Variants in TDRP observed in about 807,000 individuals in gnomAD.
TDRP encodes the protein testis development-related protein.
Under a neutral mutation model 10.5 loss-of-function variants are expected in TDRP, and 12 were observed. That is an observed-to-expected ratio of 1.15 (90% CI 0.73 to 1.86). The LOEUF is 1.86. Among genes scored for constraint, TDRP ranks in the 40% most tolerant of loss-of-function variants. The probability of loss-of-function intolerance (pLI) is 0.00; values close to 1 mark genes in which losing one functional copy is unlikely to be tolerated. For missense variants in TDRP, 353 were observed against 229.2 expected (o/e 1.54, Z -3.49); for synonymous variants, 139 against 95.4 (o/e 1.46, Z -2.67).
intron 1 of TDRP, among the ~76,000 whole-genome samples, chr8:510,695 A>T (rs568655207): frequency 3.5e-4 from 54 of 152,360 alleles, no homozygotes; most frequent in African/African-American, 1.2e-3. Flanking sequence ...ATAAATCTGA[A>T]CTTCTTGTTA....
At chr8:501,339 G>C (rs556985711) in intron 1 of TDRP, among the ~76,000 whole-genome samples, 6 of 151,932 alleles carry the variant, frequency 3.9e-5, no homozygotes, top group African/African-American at 1.2e-4. Flanking sequence ...AAATTTCCTG[G>C]TATACTTCTT....
intron 1 of TDRP, among the ~76,000 whole-genome samples, chr8:544,160 C>T (rs1025215572): frequency 1.3e-5 from 2 of 152,168 alleles, no homozygotes; most frequent in Non-Finnish European, 2.9e-5. Context: ...GAGCTACGGT[C>T]GTCCAAAGCT....
At chr8:529,440 G>C (rs1297429085) in intron 1 of TDRP, among the ~76,000 whole-genome samples, 2 of 152,036 alleles carry the variant, frequency 1.3e-5, no homozygotes, top group South Asian at 2.1e-4. Flanking sequence ...TTCTGTTTTT[G>C]TCCACATATT....
intron 1 of TDRP, among the ~76,000 whole-genome samples, chr8:536,864 A>T (rs1285250395): frequency 6.6e-6 from 1 of 152,160 alleles, no homozygotes; most frequent in East Asian, 1.9e-4. Context: ...CCCTTCTATA[A>T]TATCGTAACT....
chr8:501,162 C>T (rs532711492), intron 1 of TDRP, among the ~76,000 whole-genome samples: 6 of 151,574 alleles, frequency 4.0e-5, no homozygotes, highest in East Asian at 2.0e-4. Flanking sequence ...GCTGAGATCG[C>T]GCCACTGCAC....
At chr8:498,412 G>GTA (rs1310509946) in intron 1 of TDRP, among the ~76,000 whole-genome samples, 1 of 152,174 alleles carries the variant, frequency 6.6e-6, no homozygotes, top group African/African-American at 2.4e-5. Flanking sequence ...GTTTCAGACT[G>GTA]TAGCCCCTTG....
At chr8:497,072 G>A (rs1485719761) in intron 1 of TDRP, among the ~76,000 whole-genome samples, 3 of 152,302 alleles carry the variant, frequency 2.0e-5, no homozygotes, top group South Asian at 4.1e-4. Flanking sequence ...CTAACACAGA[G>A]AATTGGTACG....
intron 1 of TDRP, among the ~76,000 whole-genome samples, chr8:518,118 G>A (rs987968228): frequency 6.6e-6 from 1 of 152,130 alleles, no homozygotes; most frequent in African/African-American, 2.4e-5. Context: ...TATGGACTTT[G>A]GCTAACAATG....
chr8:494,978 T>G (rs576919451), intron 1 of TDRP: 237 of 161,178 alleles, frequency 1.5e-3, no homozygotes, highest in African/African-American at 5.4e-3. Context: ...ATACCTGAAA[T>G]CCCAGCACTT....
chr8:494,470 T>G (rs1801073922), intron 2 of TDRP, 24 bp downstream of exon 2: 2 of 1,605,556 alleles, frequency 1.2e-6, no homozygotes, highest in East Asian at 4.5e-5. Context: ...GAAATGATCA[T>G]TTTCTTACAC....
intron 1 of TDRP, among the ~76,000 whole-genome samples, chr8:501,557 G>A (rs537035617): frequency 7.9e-5 from 12 of 152,172 alleles, no homozygotes; most frequent in Admixed American, 2.6e-4. Flanking sequence ...ATGTTGGCCC[G>A]GCTGGTCTCG....
intron 1 of TDRP, among the ~76,000 whole-genome samples, chr8:507,570 C>A (rs1333492249): frequency 6.6e-6 from 1 of 152,146 alleles, no homozygotes; most frequent in African/African-American, 2.4e-5. Flanking sequence ...CCTGCCACAC[C>A]TCCATCATCC....
At chr8:533,969 T>C (rs1802278311) in intron 1 of TDRP, among the ~76,000 whole-genome samples, 1 of 152,214 alleles carries the variant, frequency 6.6e-6, no homozygotes, top group Non-Finnish European at 1.5e-5. Context: ...TTTACTGTAT[T>C]GAAAATTGAG....
intron 1 of TDRP, among the ~76,000 whole-genome samples, chr8:508,448 G>C (rs891081668): frequency 6.6e-6 from 1 of 152,164 alleles, no homozygotes; most frequent in African/African-American, 2.4e-5. Context: ...AATGGTGGAA[G>C]GCAAAAGGCA....
chr8:499,901 T>G (rs1180027813), intron 1 of TDRP, among the ~76,000 whole-genome samples: 1 of 152,176 alleles, frequency 6.6e-6, no homozygotes, highest in Non-Finnish European at 1.5e-5. Context: ...ACAGCCTAAG[T>G]GCTGCTCATG....
At chr8:540,865 G>T (rs912016405) in intron 1 of TDRP, among the ~76,000 whole-genome samples, 2 of 148,408 alleles carry the variant, frequency 1.3e-5, no homozygotes, top group Admixed American at 1.3e-4. Context: ...CAACAGGACG[G>T]ATATGATTGC....
Position 492,315 on chromosome 8 carries a change from T to C in TDRP, c.*84A>G, listed in dbSNP as rs374455564. 4.0e-4 allele frequency: 555 copies of C among 1,385,422 alleles called. 2 individuals are homozygous for C. Among genetic ancestry groups the C allele is most frequent in the Middle Eastern group, 1.6e-3 (6 of 3,724 alleles). The allele number at this position is 1,385,422 out of a possible 1,614,324, so 85.8% of individuals were successfully genotyped here. A position where few individuals can be genotyped will look rare whatever the true frequency, so the allele number is the denominator to read the frequency against. On this transcript the variant is annotated 3_prime_UTR_variant, in exon 3 of 3. Transcript: ENST00000324079. Reference sequence around the variant, plus strand: ...AGGCAAAAAGTAGACTCTCTATTCTTTCTAACGCGGAAAAGACTCAACAAC... The same window carrying C: ...AGGCAAAAAGTAGACTCTCTATTCTCTCTAACGCGGAAAAGACTCAACAAC...
intron 2 of TDRP, among the ~76,000 whole-genome samples, chr8:493,591 A>C (rs1801042234): frequency 6.6e-6 from 1 of 152,262 alleles, no homozygotes; most frequent in African/African-American, 2.4e-5. Flanking sequence ...ACACGGAGCA[A>C]ATATGCCATT....
chr8:526,327 G>A (rs1340239025), intron 1 of TDRP, among the ~76,000 whole-genome samples: 1 of 152,152 alleles, frequency 6.6e-6, no homozygotes, highest in East Asian at 1.9e-4. Context: ...CCACTGGGTT[G>A]TCAGTATGAT....
Sources: gnomAD v4.1 joint callset for allele counts (sites outside exome capture counted in the v4.1 genomes callset) on GRCh38, gnomAD v4.1.1 for gene constraint, MANE v1.5 for transcripts, NCBI Gene and HGNC (gene_info 2026-07-23, HGNC 2026-07-21) for gene names.